The following CACNA2D3 variants were observed in gnomAD, a reference collection of about 807,000 sequenced individuals.
CACNA2D3 encodes calcium voltage-gated channel auxiliary subunit alpha2delta 3, also known as voltage-dependent calcium channel subunit alpha-2/delta-3.
In CACNA2D3, 60 loss-of-function variants were observed where a neutral mutation model predicts 160.6. The observed-to-expected ratio is 0.37, with a 90% CI of 0.30 to 0.46. The LOEUF (loss-of-function observed/expected upper bound fraction) is 0.46, where lower values mean the gene tolerates loss of function less well. Among genes scored for constraint, CACNA2D3 ranks in the 20% least tolerant of loss-of-function variants. The probability of loss-of-function intolerance (pLI) is 1.00; values close to 1 mark genes in which losing one functional copy is unlikely to be tolerated. For synonymous variants in CACNA2D3, 558 were observed against 492.9 expected (o/e 1.13, Z -1.75); for missense variants, 1,205 against 1,365.0 (o/e 0.88, Z 1.85).
chr3:54,791,027 G>T (rs1702744840), intron 13 of CACNA2D3, among the ~76,000 whole-genome samples: 1 of 131,644 alleles, frequency 7.6e-6, no homozygotes, highest in Non-Finnish European at 1.6e-5. Context: ...TCTGATTTTG[G>T]CACCTTCTTT....
intron 11 of CACNA2D3, among the ~76,000 whole-genome samples, chr3:54,646,245 T>A (rs1032269124): frequency 7.4e-6 from 1 of 134,802 alleles, no homozygotes; most frequent in African/African-American, 2.9e-5. Context: ...CTTCCTTCCT[T>A]CCTCTCTCTC....
At chr3:54,706,485 A>C (rs947336304) in intron 11 of CACNA2D3, among the ~76,000 whole-genome samples, 5 of 152,202 alleles carry the variant, frequency 3.3e-5, no homozygotes, top group African/African-American at 4.8e-5. Context: ...ATATTAGTAG[A>C]ATGATTAACA....
At chr3:54,600,194 A>G (rs1451438213) in intron 9 of CACNA2D3, among the ~76,000 whole-genome samples, 1 of 152,102 alleles carries the variant, frequency 6.6e-6, no homozygotes, top group Admixed American at 6.5e-5. Flanking sequence ...AAGGTCTGAA[A>G]AATAGTGGAA....
chr3:54,265,626 A>G (rs371387064), intron 2 of CACNA2D3, among the ~76,000 whole-genome samples: 1 of 118,950 alleles, frequency 8.4e-6, no homozygotes, highest in East Asian at 2.0e-4. Context: ...ATATATATAT[A>G]GTGTGTATAT....
intron 9 of CACNA2D3, among the ~76,000 whole-genome samples, chr3:54,609,396 G>T (rs1698700232): frequency 6.6e-6 from 1 of 152,138 alleles, no homozygotes; most frequent in African/African-American, 2.4e-5. Context: ...TAATACAGAG[G>T]GAAACTCAGA....
chr3:54,307,543 A>G (rs903293764), intron 2 of CACNA2D3, among the ~76,000 whole-genome samples: 8 of 152,166 alleles, frequency 5.3e-5, no homozygotes, highest in African/African-American at 1.7e-4. Flanking sequence ...GCTTCCCAAC[A>G]TGGGAAGGAA....
At chr3:55,003,550 A>G (rs750463774) in intron 31 of CACNA2D3, among the ~76,000 whole-genome samples, 7 of 152,306 alleles carry the variant, frequency 4.6e-5, no homozygotes, top group Middle Eastern at 6.8e-3. Context: ...CAGTAACCCA[A>G]TGGGGTACAG....
chr3:54,384,005 A>G (rs1025295271), intron 3 of CACNA2D3, among the ~76,000 whole-genome samples: 1 of 152,212 alleles, frequency 6.6e-6, no homozygotes, highest in East Asian at 1.9e-4. Flanking sequence ...TAAATAAAAT[A>G]TATATGAAAT....
intron 3 of CACNA2D3, among the ~76,000 whole-genome samples, chr3:54,372,892 C>T (rs562753249): frequency 6.6e-6 from 1 of 152,250 alleles, no homozygotes; most frequent in East Asian, 1.9e-4. Flanking sequence ...TCCTTGAATT[C>T]GAGAGGAATG....
chr3:54,758,125 C>T (rs1702009303), intron 12 of CACNA2D3, among the ~76,000 whole-genome samples: 2 of 152,092 alleles, frequency 1.3e-5, no homozygotes, highest in South Asian at 4.2e-4. Context: ...GGTTCAGGTC[C>T]TGATGTTTCA....
chr3:54,933,910 A>G (rs1701268073), intron 27 of CACNA2D3, among the ~76,000 whole-genome samples: 1 of 152,020 alleles, frequency 6.6e-6, no homozygotes, highest in African/African-American at 2.4e-5. Flanking sequence ...CTGGGATTAC[A>G]GGCACACACC....
intron 10 of CACNA2D3, among the ~76,000 whole-genome samples, chr3:54,640,686 A>T (rs1179715237): frequency 6.6e-6 from 1 of 152,212 alleles, no homozygotes; most frequent in East Asian, 1.9e-4. Flanking sequence ...CAACAATATA[A>T]ATTTGAAATG....
At chr3:54,488,192 G>A (rs1701047765) in intron 4 of CACNA2D3, among the ~76,000 whole-genome samples, 1 of 152,132 alleles carries the variant, frequency 6.6e-6, no homozygotes. Flanking sequence ...CATGACCTTG[G>A]GTTATTCCAT....
At chr3:54,462,469 G>A (rs190703133) in intron 4 of CACNA2D3, among the ~76,000 whole-genome samples, 22 of 151,964 alleles carry the variant, frequency 1.4e-4, no homozygotes, top group East Asian at 3.9e-4. Context: ...CTGTATTGGG[G>A]GCATATATAT....
At chr3:54,551,106 A>G (rs958115654) in intron 5 of CACNA2D3, among the ~76,000 whole-genome samples, 5 of 152,104 alleles carry the variant, frequency 3.3e-5, no homozygotes, top group Admixed American at 2.6e-4. Context: ...GCAAAGCCCT[A>G]CTTGGTTCCC....
Position 54,660,653 on chromosome 3 carries a change from A to G in CACNA2D3, c.1167+18412A>G, listed in dbSNP as rs527937744. Among the ~76,000 whole-genome samples the G allele has an allele frequency of 1.4e-4, 21 of 152,198 alleles. No individual in the cohort carries two copies. In the South Asian group the frequency reaches 1.5e-3, roughly 11 times the overall value. ...TGGCCATCAACAGATTATCTGCCCT[A>G]CTTACCTTACCTTAATCATTTCCAT... On this transcript the variant is annotated intron_variant, in intron 11 of 37. Coordinates refer to ENST00000474759, the MANE Select transcript of CACNA2D3 (RefSeq NM_018398.3).
At chr3:54,156,643 T>A (rs1700250321) in intron 2 of CACNA2D3, among the ~76,000 whole-genome samples, 1 of 152,222 alleles carries the variant, frequency 6.6e-6, no homozygotes, top group Admixed American at 6.5e-5. Flanking sequence ...GTGTGACTTC[T>A]CAGTCTTTGT....
chr3:54,519,213 A>C (rs1701607017), intron 5 of CACNA2D3, among the ~76,000 whole-genome samples: 1 of 127,922 alleles, frequency 7.8e-6, no homozygotes, highest in Non-Finnish European at 1.7e-5. Context: ...GTCATCACTG[A>C]GAAAGAGGCT....
intron 4 of CACNA2D3, among the ~76,000 whole-genome samples, chr3:54,464,863 G>A (rs1391737738): frequency 6.6e-6 from 1 of 152,188 alleles, no homozygotes; most frequent in Non-Finnish European, 1.5e-5. Flanking sequence ...CCCCTCTTCT[G>A]CGTCGCTTAC....
Sources: gnomAD v4.1 joint callset for allele counts (sites outside exome capture counted in the v4.1 genomes callset) on GRCh38, gnomAD v4.1.1 for gene constraint, MANE v1.5 for transcripts, NCBI Gene and HGNC (gene_info 2026-07-23, HGNC 2026-07-21) for gene names.